DIRAS2: variants seen among roughly 807,000 people sequenced by gnomAD.
The protein encoded by DIRAS2 is GTP-binding protein Di-Ras2.
DIRAS2 carries 5 observed loss-of-function variants against 13.9 expected under a neutral mutation model. That is an observed-to-expected ratio of 0.36 (90% CI 0.19 to 0.76). DIRAS2 has a LOEUF of 0.76. Ranked by LOEUF, DIRAS2 falls within the 30% of genes least tolerant of loss-of-function variation. The probability of loss-of-function intolerance (pLI) is 0.53; values close to 1 mark genes in which losing one functional copy is unlikely to be tolerated. For missense variants in DIRAS2, 191 were observed against 263.0 expected, an observed-to-expected ratio of 0.73 and a Z score of 1.89; for synonymous variants, 111 against 105.4, an observed-to-expected ratio of 1.05 and a Z score of -0.33.
At chr9:90,631,327 G>A (rs1161365229) in intron 1 of DIRAS2, among the ~76,000 whole-genome samples, 1 of 152,228 alleles carries the variant, frequency 6.6e-6, no homozygotes, top group Non-Finnish European at 1.5e-5. Flanking sequence ...GCAAAGTAAA[G>A]GGGCCGGGAC....
chr9:90,627,990 G>A (rs1825287726), intron 1 of DIRAS2, among the ~76,000 whole-genome samples: 1 of 151,672 alleles, frequency 6.6e-6, no homozygotes, highest in African/African-American at 2.4e-5. Flanking sequence ...TAGCAAACCT[G>A]CACATTCTGC....
Position 90,613,345 on chromosome 9 carries a change from A to T in DIRAS2, c.483T>A (p.Leu161=). 1.2e-6 allele frequency: 2 copies of T among 1,613,962 alleles called. No individual in the cohort carries two copies. The highest frequency in any genetic ancestry group is 1.7e-6 in the Non-Finnish European group (2 of 1,179,994). The change falls in exon 2 of 2, where the codon CTT becomes CTA. Residue 161 remains leucine (L), a synonymous_variant. Coordinates refer to ENST00000375765, the MANE Select transcript of DIRAS2 (RefSeq NM_017594.5). This position sits in a 1 kb window ranked among gnomAD's most constrained non-coding sequence, Gnocchi z 5.6. ...SAKLNHNVKE[L]FQELLNLEKR... ...TCTCCAGGTTGAGCAGCTCCTGGAA[A>T]AGCTCCTTCACGTTATGGTTGAGCT...
At chr9:90,638,635 C>CAT (rs1825391876) in intron 1 of DIRAS2, among the ~76,000 whole-genome samples, 2 of 135,318 alleles carry the variant, frequency 1.5e-5, no homozygotes, top group African/African-American at 6.1e-5. Flanking sequence ...CTCCATTGAT[C>CAT]ATGTGTGTGT....
intron 1 of DIRAS2, among the ~76,000 whole-genome samples, chr9:90,620,363 AT>A (rs1435063131): frequency 6.6e-6 from 1 of 152,224 alleles, no homozygotes; most frequent in East Asian, 1.9e-4. Flanking sequence ...TAGGCAAGTA[AT>A]TGAAATATCC....
At position 90,628,455 on chromosome 9, in the gene DIRAS2, G is replaced by T. The variant is rs558590046; in HGVS notation, c.-37+14297C>A. 6.4e-4 allele frequency among the ~76,000 whole-genome samples: 98 copies of T among 152,188 alleles called. 1 individual carries two copies. Among genetic ancestry groups the T allele is most frequent in the African/African-American group, 2.3e-3 (96 of 41,512 alleles). ...AGACTGGGGAGACTAGGTGGCCATT[G>T]TCATTGCTGATCCTGTGAGAATGTA... On this transcript the variant is annotated intron_variant, in intron 1 of 1. Coordinates refer to ENST00000375765, the MANE Select transcript of DIRAS2 (RefSeq NM_017594.5).
intron 1 of DIRAS2, among the ~76,000 whole-genome samples, chr9:90,640,938 T>A (rs763424685): frequency 2.6e-5 from 4 of 152,206 alleles, no homozygotes; most frequent in Non-Finnish European, 4.4e-5. Context: ...CAATACTTTT[T>A]ATTATCACAG....
intron 1 of DIRAS2, among the ~76,000 whole-genome samples, chr9:90,621,368 C>G (rs1825217578): frequency 6.6e-6 from 1 of 151,820 alleles, no homozygotes; most frequent in Non-Finnish European, 1.5e-5. Context: ...GTCACCGGGG[C>G]CTAGGATGCA....
intron 1 of DIRAS2, among the ~76,000 whole-genome samples, chr9:90,637,343 T>C (rs938287892): frequency 6.6e-6 from 1 of 152,196 alleles, no homozygotes; most frequent in Non-Finnish European, 1.5e-5. Flanking sequence ...TTTTCAGTCT[T>C]TTGCTCAATG....
intron 1 of DIRAS2, among the ~76,000 whole-genome samples, chr9:90,632,493 C>T (rs1328541981): frequency 2.6e-5 from 4 of 152,188 alleles, no homozygotes; most frequent in Non-Finnish European, 5.9e-5. Flanking sequence ...AATTTTCAAC[C>T]CTATCTTCAA....
rs894488613 is a variant in DIRAS2, at chr9:90,609,999, A to G, written c.*3229T>C. ...ATACACTTTAAATATAAATATACAC[A>G]TTGATATCCCACACATATAAAAGTC... On this transcript the variant is annotated 3_prime_UTR_variant, in exon 2 of 2. Coordinates refer to ENST00000375765, the MANE Select transcript of DIRAS2 (RefSeq NM_017594.5). The G allele has an allele frequency of 1.3e-5, 2 of 157,040 alleles. No individual in the cohort carries two copies. Among genetic ancestry groups the G allele is most frequent in the Non-Finnish European group, 1.4e-5 (1 of 71,350 alleles). 9.7% of individuals were successfully genotyped at this position (157,040 alleles called of 1,614,324 possible). A position where few individuals can be genotyped will look rare whatever the true frequency, so the allele number is the denominator to read the frequency against.
At chr9:90,639,193 G>A (rs1162584986) in intron 1 of DIRAS2, among the ~76,000 whole-genome samples, 3 of 151,992 alleles carry the variant, frequency 2.0e-5, no homozygotes, top group Non-Finnish European at 2.9e-5. Context: ...CCCACCCCAC[G>A]AGCACTCACT....
intron 1 of DIRAS2, among the ~76,000 whole-genome samples, chr9:90,614,531 C>A (rs1033238139): frequency 6.6e-6 from 1 of 152,120 alleles, no homozygotes; most frequent in African/African-American, 2.4e-5. Flanking sequence ...TCTGATGTTA[C>A]ACAGCAATAA....
intron 1 of DIRAS2, among the ~76,000 whole-genome samples, chr9:90,638,610 G>A (rs977698787): frequency 2.0e-5 from 3 of 151,694 alleles, no homozygotes; most frequent in Non-Finnish European, 4.4e-5. Context: ...TTATAGGCAA[G>A]GAGGCAATGA....
intron 1 of DIRAS2, among the ~76,000 whole-genome samples, chr9:90,641,108 T>A (rs996735549): frequency 1.3e-5 from 2 of 152,110 alleles, no homozygotes; most frequent in Non-Finnish European, 2.9e-5. Flanking sequence ...AATAATTTTT[T>A]TAAAAAAAAG....
Position 90,614,353 on chromosome 9 carries a change from T to A in DIRAS2, c.-36-490A>T, listed in dbSNP as rs867701830. ...GTGTGTGTGTGTGTGTGTGTGTGTG[T>A]GAGAAATACTGGGAGAGGGAGATGA... On this transcript the variant is annotated intron_variant, in intron 1 of 1. Transcript: ENST00000375765. Among the ~76,000 whole-genome samples the A allele has an allele frequency of 1.9e-3, 259 of 138,988 alleles. 1 individual carries two copies. Among genetic ancestry groups the A allele is most frequent in the Admixed American group, 4.2e-3 (58 of 13,746 alleles). 91.2% of individuals were successfully genotyped at this position (138,988 alleles called of 152,430 possible). A position where few individuals can be genotyped will look rare whatever the true frequency, so the allele number is the denominator to read the frequency against.
chr9:90,633,859 C>T (rs142719136), intron 1 of DIRAS2, among the ~76,000 whole-genome samples: 33 of 152,262 alleles, frequency 2.2e-4, no homozygotes, highest in African/African-American at 5.3e-4. Context: ...AAGCATAAAA[C>T]GTAGAAACTG....
chr9:90,634,559 C>T (rs867487891), intron 1 of DIRAS2, among the ~76,000 whole-genome samples: 4 of 152,184 alleles, frequency 2.6e-5, no homozygotes, highest in Admixed American at 1.3e-4. Context: ...TCAACGAAGA[C>T]ATGTTCTTTC....
chr9:90,631,453 G>A (rs1343797987), intron 1 of DIRAS2, among the ~76,000 whole-genome samples: 1 of 152,178 alleles, frequency 6.6e-6, no homozygotes, highest in Non-Finnish European at 1.5e-5. Flanking sequence ...GACCTCCATT[G>A]TAAAAGTACC....
chr9:90,622,753 T>C (rs2118556200), intron 1 of DIRAS2, among the ~76,000 whole-genome samples: 1 of 152,346 alleles, frequency 6.6e-6, no homozygotes, highest in East Asian at 1.9e-4. Flanking sequence ...GTGTTTTTCC[T>C]TTCTCTTTGG....
Sources: allele counts gnomAD v4.1 joint callset (sites outside exome capture counted in the v4.1 genomes callset), GRCh38; gene constraint gnomAD v4.1.1; non-coding constraint Gnocchi (gnomAD v3.1); transcripts MANE v1.5; gene names NCBI Gene and HGNC (gene_info 2026-07-23, HGNC 2026-07-21).